PLCZ1: variants seen among roughly 807,000 people sequenced by gnomAD.
The protein encoded by PLCZ1 is phospholipase C zeta 1, also known as 1-phosphatidylinositol 4,5-bisphosphate phosphodiesterase zeta-1.
PLCZ1 carries 64 observed loss-of-function variants against 76.8 expected under a neutral mutation model. The ratio of observed to expected loss-of-function variants is 0.83; its 90% CI spans 0.68 to 1.03. The LOEUF (loss-of-function observed/expected upper bound fraction) is 1.03. Among genes scored for constraint, PLCZ1 ranks in the 50% least tolerant of loss-of-function variants. The pLI is 0.00. For synonymous variants in PLCZ1, 248 were observed against 230.8 expected (o/e 1.07, Z -0.68); for missense variants, 751 against 713.7 (o/e 1.05, Z -0.60).
chr12:18,664,717 T>C, the PLCZ1 span, among the ~76,000 whole-genome samples: 9 of 151,676 alleles, frequency 5.9e-5, no homozygotes, highest in African/African-American at 1.9e-4. Context: ...CGTATGTTTA[T>C]TGCGGCACTA....
chr12:18,661,804 A>C, the PLCZ1 span, among the ~76,000 whole-genome samples: 1 of 152,128 alleles, frequency 6.6e-6, no homozygotes, highest in Non-Finnish European at 1.5e-5. Context: ...ACCCAAAGGA[A>C]TATAAATTGT....
At position 18,683,256 on chromosome 12, in the gene PLCZ1, C is replaced by G. The variant is rs955097824; in HGVS notation, c.1810G>C (p.Val604Leu). 1 of 1,612,514 alleles carries G rather than the reference C, an allele frequency of 6.2e-7. No homozygotes were observed. Among genetic ancestry groups the G allele is most frequent in the Non-Finnish European group, 8.5e-7 (1 of 1,178,972 alleles). The change falls in exon 15 of 15, where the codon GTT (valine) becomes CTT (leucine). Residue 604 changes from valine to leucine, a missense_variant. By Grantham distance (32) the Val-to-Leu change is conservative. Coordinates refer to ENST00000266505, the MANE Select transcript of PLCZ1 (RefSeq NM_033123.4). Reference sequence around the variant, plus strand: ...ATTAGCTGTTATCTGACGTACCAAACATAAACAAACAGTGAAGCAGGCTCA... The same window carrying G: ...ATTAGCTGTTATCTGACGTACCAAAGATAAACAAACAGTGAAGCAGGCTCA... ...SLEPASLFVYVWYVR is the reference protein window; with the variant it reads ...SLEPASLFVYLWYVR
chr12:18,681,966 G>A (rs1168611245), downstream of PLCZ1, among the ~76,000 whole-genome samples: 2 of 151,986 alleles, frequency 1.3e-5, no homozygotes, highest in Non-Finnish European at 2.9e-5. Context: ...TTGGGTCAAT[G>A]GGCTGAAACT....
intron 3 of PLCZ1, among the ~76,000 whole-genome samples, chr12:18,724,619 TA>T: frequency 6.6e-6 from 1 of 152,040 alleles, no homozygotes; most frequent in Non-Finnish European, 1.5e-5. Context: ...ACCTTAAAAT[TA>T]TATAATCTTA....
intron 3 of PLCZ1, among the ~76,000 whole-genome samples, chr12:18,730,127 T>A (rs1958961298): frequency 6.6e-6 from 1 of 152,080 alleles, no homozygotes; most frequent in Admixed American, 6.5e-5. Context: ...TGCCAAGTAG[T>A]AAACAGCTAG....
chr12:18,678,209 A>G (rs1299729507), downstream of PLCZ1, among the ~76,000 whole-genome samples: 3 of 152,060 alleles, frequency 2.0e-5, no homozygotes, highest in Non-Finnish European at 4.4e-5. Context: ...AGGTCTGGCT[A>G]ATACTGCTGT....
chr12:18,701,346 C>T (rs1287340241), intron 9 of PLCZ1, among the ~76,000 whole-genome samples, 155 bp downstream of exon 9: 1 of 152,048 alleles, frequency 6.6e-6, no homozygotes, highest in East Asian at 1.9e-4. Flanking sequence ...AATTCATCTT[C>T]CACCATCGAT....
At chr12:18,725,788 T>C (rs989449067) in intron 3 of PLCZ1, among the ~76,000 whole-genome samples, 1 of 152,110 alleles carries the variant, frequency 6.6e-6, no homozygotes, top group Non-Finnish European at 1.5e-5. Flanking sequence ...TTTTTGTTTG[T>C]TTGTTTTTCT....
At chr12:18,722,449 T>C (rs1418323642) in intron 4 of PLCZ1, among the ~76,000 whole-genome samples, 1 of 152,078 alleles carries the variant, frequency 6.6e-6, no homozygotes, top group Non-Finnish European at 1.5e-5. Flanking sequence ...AGAAACTACA[T>C]TATCATGTGT....
the PLCZ1 span, among the ~76,000 whole-genome samples, chr12:18,673,718 T>C: frequency 6.6e-6 from 1 of 152,324 alleles, no homozygotes; most frequent in African/African-American, 2.4e-5. Context: ...ACAAAGGGTC[T>C]GCAGTCTCAT....
At chr12:18,679,531 T>C (rs1189912934), downstream of PLCZ1, among the ~76,000 whole-genome samples, 1 of 152,044 alleles carries the variant, frequency 6.6e-6, no homozygotes, top group East Asian at 1.9e-4. Context: ...ACCCTGGTTC[T>C]GTCATTTACT....
At chr12:18,697,604 T>C (rs1341584704) in intron 10 of PLCZ1, among the ~76,000 whole-genome samples, 4 of 152,134 alleles carry the variant, frequency 2.6e-5, no homozygotes, top group African/African-American at 9.7e-5. Context: ...TAGGAGGACA[T>C]CAAAGAACAA....
At chr12:18,684,739 A>G (rs892605445) in intron 13 of PLCZ1, among the ~76,000 whole-genome samples, 4 of 152,072 alleles carry the variant, frequency 2.6e-5, no homozygotes, top group Non-Finnish European at 4.4e-5. Flanking sequence ...TCATTTTTCT[A>G]TACTAAGTCC....
chr12:18,723,455 CA>C lies in PLCZ1; in HGVS notation c.222del (p.Ile74MetfsTer15). On this transcript the variant is annotated frameshift_variant, in exon 4 of 15. Transcript: ENST00000266505. LOFTEE classifies it high-confidence loss of function. ...YRIITHREEI[I>X]EIFNTYSENR... The stretch of plus-strand genomic sequence containing the variant: ...TTTTCAGAATATGTGTTGAAAATCT[CA>C]ATAATTTCTTCTCTGTGCGTGATAA... 6.2e-7 allele frequency: 1 copy of C among 1,612,912 alleles called. No individual in the cohort carries two copies. The highest frequency in any genetic ancestry group is 8.5e-7 in the Non-Finnish European group (1 of 1,179,400).
chr12:18,650,342 T>TAC, the PLCZ1 span, among the ~76,000 whole-genome samples: 540 of 134,652 alleles, frequency 4.0e-3, 8 homozygotes, highest in Admixed American at 0.01. Flanking sequence ...TATATATATA[T>TAC]ATATATGTGT....
intron 10 of PLCZ1, among the ~76,000 whole-genome samples, chr12:18,698,186 G>C (rs966459080): frequency 2.0e-5 from 3 of 151,648 alleles, no homozygotes; most frequent in Admixed American, 2.0e-4. Context: ...TCACATGCAC[G>C]ATGCACAATT....
At chr12:18,675,666 T>G in the PLCZ1 span, among the ~76,000 whole-genome samples, 7 of 152,130 alleles carry the variant, frequency 4.6e-5, no homozygotes, top group Non-Finnish European at 8.8e-5. Flanking sequence ...GATATATATA[T>G]CTATACCATG....
At chr12:18,696,386 AT>A (rs1454076837) in intron 10 of PLCZ1, 120 bp from the exon 11 acceptor site, 2 of 226,662 alleles carry the variant, frequency 8.8e-6, no homozygotes, top group Non-Finnish European at 1.5e-5. Context: ...CAATTTTGAT[AT>A]GTATTGTCTT....
chr12:18,667,362 A>C, the PLCZ1 span, among the ~76,000 whole-genome samples: 1 of 152,170 alleles, frequency 6.6e-6, no homozygotes, highest in Non-Finnish European at 1.5e-5. Context: ...AACTGTTATA[A>C]ACTGATGGGC....
Sources: gnomAD v4.1 joint callset for allele counts (sites outside exome capture counted in the v4.1 genomes callset) on GRCh38, gnomAD v4.1.1 for gene constraint, MANE v1.5 for transcripts, NCBI Gene and HGNC (gene_info 2026-07-23, HGNC 2026-07-21) for gene names.